The following NTN4 variants were observed in gnomAD, a reference collection of about 807,000 sequenced individuals.
NTN4 encodes the protein netrin-4.
In NTN4, 32 loss-of-function variants were observed where a neutral mutation model predicts 73.6. That is an observed-to-expected ratio of 0.44 (90% CI 0.33 to 0.58). The LOEUF (loss-of-function observed/expected upper bound fraction) is 0.58, where lower values mean the gene tolerates loss of function less well. Ranked by LOEUF, NTN4 falls within the 20% of genes least tolerant of loss-of-function variation. NTN4 has a pLI of 0.04. For missense variants in NTN4, 654 were observed against 798.3 expected (o/e 0.82, Z 2.18); for synonymous variants, 258 against 287.5 (o/e 0.90, Z 1.04).
At chr12:95,738,334 T>A (rs1004626756) in intron 2 of NTN4, among the ~76,000 whole-genome samples, 190 bp from the exon 3 acceptor site, 5 of 152,220 alleles carry the variant, frequency 3.3e-5, no homozygotes, top group Non-Finnish European at 7.3e-5. Flanking sequence ...ATGTGCTGCC[T>A]GTTTGTACAC....
At chr12:95,700,941 G>A (rs2121053723) in intron 5 of NTN4, among the ~76,000 whole-genome samples, 1 of 151,460 alleles carries the variant, frequency 6.6e-6, no homozygotes, top group African/African-American at 2.4e-5. Context: ...AGCCTCCCAA[G>A]TAGCTGGGAC....
intron 2 of NTN4, among the ~76,000 whole-genome samples, chr12:95,749,905 A>C (rs1464237196): frequency 7.6e-6 from 1 of 131,584 alleles, no homozygotes; most frequent in Admixed American, 7.7e-5. Context: ...CTTCTCCTTC[A>C]CCCTTAGTGG....
chr12:95,778,095 G>T (rs2079107262), intron 2 of NTN4, among the ~76,000 whole-genome samples: 1 of 152,110 alleles, frequency 6.6e-6, no homozygotes, highest in Non-Finnish European at 1.5e-5. Flanking sequence ...CAGAAATAAA[G>T]ATGTTCTTTG....
intron 5 of NTN4, among the ~76,000 whole-genome samples, chr12:95,690,587 GGTTT>G (rs2078394778): frequency 1.3e-5 from 2 of 151,620 alleles, no homozygotes; most frequent in African/African-American, 2.4e-5. Flanking sequence ...ATTGATTTAT[GGTTT>G]GTTTCTAATT....
chr12:95,702,842 GTTTTTTTTTTTTTTGGT>G (rs2078495189), intron 5 of NTN4, among the ~76,000 whole-genome samples: 1 of 125,578 alleles, frequency 8.0e-6, no homozygotes, highest in Non-Finnish European at 1.6e-5. Flanking sequence ...GTTTTCAATG[GTTTTTTTTTTTTTTGGT>G]TTTTTTTTTT....
intron 7 of NTN4, 77 bp from the exon 8 acceptor site, chr12:95,670,223 T>A (rs3829304): frequency 0.077 from 61,040 of 792,646 alleles, 3,780 homozygotes; most frequent in East Asian, 0.3. Flanking sequence ...AGCAAGTGTA[T>A]CCAGATAACA....
chr12:95,782,840 T>A (rs953408015), intron 2 of NTN4, among the ~76,000 whole-genome samples: 1 of 152,210 alleles, frequency 6.6e-6, no homozygotes, highest in Non-Finnish European at 1.5e-5. Flanking sequence ...AGACAGTAAC[T>A]ACATCCCTTT....
At chr12:95,659,303 G>T in intron 9 of NTN4, 81 bp from the exon 10 acceptor site, 2 of 1,141,674 alleles carry the variant, frequency 1.8e-6, no homozygotes, top group Non-Finnish European at 2.5e-6. Flanking sequence ...GTTTTCTTTT[G>T]CATTTATTTT....
At chr12:95,708,637 C>T (rs548351390) in intron 5 of NTN4, among the ~76,000 whole-genome samples, 2 of 152,058 alleles carry the variant, frequency 1.3e-5, no homozygotes, top group Admixed American at 6.5e-5. Flanking sequence ...TCAAACTCCT[C>T]GGCTCAAGTG....
intron 2 of NTN4, among the ~76,000 whole-genome samples, chr12:95,755,885 C>T (rs931016552): frequency 1.3e-5 from 2 of 152,224 alleles, no homozygotes; most frequent in African/African-American, 4.8e-5. Flanking sequence ...AAAATAAAGA[C>T]TGGGGCTAAA....
At chr12:95,725,240 C>T (rs535627412) in intron 3 of NTN4, among the ~76,000 whole-genome samples, 16 of 152,038 alleles carry the variant, frequency 1.1e-4, no homozygotes, top group African/African-American at 2.6e-4. Context: ...AAGCAAAAAA[C>T]GAGTAGAACT....
intron 7 of NTN4, among the ~76,000 whole-genome samples, chr12:95,679,730 T>C (rs943004281): frequency 1.7e-4 from 26 of 152,210 alleles, no homozygotes; most frequent in Non-Finnish European, 3.2e-4. Context: ...ACCATGCTGA[T>C]GGGTGTTACT....
At chr12:95,671,460 C>G (rs374072678) in intron 7 of NTN4, among the ~76,000 whole-genome samples, 1 of 152,216 alleles carries the variant, frequency 6.6e-6, no homozygotes, top group African/African-American at 2.4e-5. Context: ...CTCAAATTAC[C>G]GCCTGAGCTC....
chr12:95,704,812 G>A (rs867656306), intron 5 of NTN4, among the ~76,000 whole-genome samples: 14 of 152,278 alleles, frequency 9.2e-5, no homozygotes, highest in Admixed American at 2.6e-4. Context: ...GTCACAAAGC[G>A]AATGGAGATA....
At chr12:95,769,987 C>A (rs1016859977) in intron 2 of NTN4, among the ~76,000 whole-genome samples, 1 of 152,098 alleles carries the variant, frequency 6.6e-6, no homozygotes, top group Non-Finnish European at 1.5e-5. Context: ...GAACTCCTGA[C>A]CTCAGGTGAT....
At chr12:95,698,789 T>G (rs1161871220) in intron 5 of NTN4, among the ~76,000 whole-genome samples, 1 of 151,988 alleles carries the variant, frequency 6.6e-6, no homozygotes, top group Non-Finnish European at 1.5e-5. Context: ...CCCAGGAGTT[T>G]GAGGCTGCAA....
intron 2 of NTN4, among the ~76,000 whole-genome samples, chr12:95,755,835 TG>T (rs1366067095): frequency 2.0e-5 from 3 of 152,208 alleles, no homozygotes; most frequent in Non-Finnish European, 2.9e-5. Flanking sequence ...ATGACAGAAC[TG>T]TAACTGAGGA....
intron 2 of NTN4, among the ~76,000 whole-genome samples, chr12:95,764,439 C>CCAGT (rs1565912532): frequency 2.6e-5 from 4 of 151,428 alleles, no homozygotes; most frequent in Non-Finnish European, 5.9e-5. Flanking sequence ...CCGAGGCCAG[C>CCAGT]GGATCACCTA....
intron 2 of NTN4, among the ~76,000 whole-genome samples, chr12:95,768,714 T>C (rs1430928738): frequency 6.6e-6 from 1 of 152,036 alleles, no homozygotes; most frequent in East Asian, 1.9e-4. Context: ...AGAGAATAAA[T>C]TGGGGAGCAA....
Sources: gnomAD v4.1 joint callset for allele counts (sites outside exome capture counted in the v4.1 genomes callset) on GRCh38, gnomAD v4.1.1 for gene constraint, MANE v1.5 for transcripts, NCBI Gene and HGNC (gene_info 2026-07-23, HGNC 2026-07-21) for gene names.